The following PLCB1 variants were observed in gnomAD, a reference collection of about 807,000 sequenced individuals.
PLCB1 encodes 1-phosphatidylinositol 4,5-bisphosphate phosphodiesterase beta-1.
Under a neutral mutation model 161.8 loss-of-function variants are expected in PLCB1, and 46 were observed. The observed-to-expected ratio is 0.28, with a 90% CI of 0.22 to 0.36. PLCB1 has a LOEUF of 0.36. PLCB1 is among the 10% of genes least tolerant of loss of function. PLCB1 has a pLI of 1.00. For missense variants in PLCB1, 1,016 were observed against 1,472.5 expected, an observed-to-expected ratio of 0.69 and a Z score of 5.07; for synonymous variants, 517 against 503.7, an observed-to-expected ratio of 1.03 and a Z score of -0.35.
chr20:8,711,071 TATCGCC>T (rs1338744149), intron 12 of PLCB1, among the ~76,000 whole-genome samples: 19 of 152,230 alleles, frequency 1.2e-4, no homozygotes, highest in African/African-American at 4.6e-4. Context: ...ATATTATGAT[TATCGCC>T]ATTTTACAGA....
chr20:8,772,736 C>T (rs1175839270), intron 26 of PLCB1, among the ~76,000 whole-genome samples: 1 of 151,952 alleles, frequency 6.6e-6, no homozygotes, highest in Non-Finnish European at 1.5e-5. Flanking sequence ...AGTTTGAGAC[C>T]AGCCTGACCA....
At chr20:8,430,668 G>A (rs1980000068) in intron 3 of PLCB1, among the ~76,000 whole-genome samples, 1 of 152,158 alleles carries the variant, frequency 6.6e-6, no homozygotes, top group African/African-American at 2.4e-5. Flanking sequence ...TCAAAAGAAA[G>A]AAGAGCCGGT....
chr20:8,704,208 G>T (rs1314909870), intron 11 of PLCB1, among the ~76,000 whole-genome samples: 1 of 152,220 alleles, frequency 6.6e-6, no homozygotes, highest in Middle Eastern at 3.4e-3. Flanking sequence ...ACAAAAAATT[G>T]TCTGGGTGTG....
intron 3 of PLCB1, among the ~76,000 whole-genome samples, chr20:8,600,451 G>T (rs1466328823): frequency 6.7e-6 from 1 of 148,920 alleles, no homozygotes; most frequent in South Asian, 2.1e-4. Flanking sequence ...GAGGCAGTCT[G>T]CCCGTTCTCA....
intron 4 of PLCB1, among the ~76,000 whole-genome samples, chr20:8,629,311 G>C (rs1203592845): frequency 6.6e-6 from 1 of 152,146 alleles, no homozygotes; most frequent in East Asian, 1.9e-4. Flanking sequence ...AGATGAATTA[G>C]ATATGGCCCA....
chr20:8,699,652 G>A (rs1396711336), intron 11 of PLCB1, among the ~76,000 whole-genome samples: 1 of 152,124 alleles, frequency 6.6e-6, no homozygotes, highest in East Asian at 1.9e-4. Context: ...ATTTTCAAGG[G>A]ACAGCCAAGT....
intron 3 of PLCB1, among the ~76,000 whole-genome samples, chr20:8,535,995 T>C (rs1600135909): frequency 6.6e-6 from 1 of 151,980 alleles, no homozygotes; most frequent in East Asian, 1.9e-4. Flanking sequence ...TATAATATTT[T>C]TCTTTTTCCC....
At chr20:8,355,774 A>G (rs1413771837) in intron 2 of PLCB1, among the ~76,000 whole-genome samples, 1 of 152,230 alleles carries the variant, frequency 6.6e-6, no homozygotes, top group Non-Finnish European at 1.5e-5. Flanking sequence ...GGACTCCTGC[A>G]GTAATCACCA....
intron 31 of PLCB1, among the ~76,000 whole-genome samples, chr20:8,857,353 A>G (rs759962725): frequency 6.6e-6 from 1 of 152,222 alleles, no homozygotes; most frequent in Non-Finnish European, 1.5e-5. Flanking sequence ...AAAAATTTAA[A>G]TAAAGTATAT....
At chr20:8,258,158 A>C (rs1205622122) in intron 2 of PLCB1, among the ~76,000 whole-genome samples, 1 of 152,184 alleles carries the variant, frequency 6.6e-6, no homozygotes, top group Non-Finnish European at 1.5e-5. Flanking sequence ...TATAAAGAGT[A>C]CGTGAAGCCT....
In PLCB1 at chr20:8,746,362, T is replaced by C. The variant is rs1301435493; in HGVS notation, c.2523+4789T>C. Among the ~76,000 whole-genome samples the C allele has an allele frequency of 5.3e-5, 8 of 152,308 alleles. No individual in the cohort carries two copies. In the East Asian group the frequency reaches 9.6e-4, roughly 18 times the overall value. On this transcript the variant is annotated intron_variant, in intron 23 of 31. Transcript: ENST00000338037. Reference sequence around the variant, plus strand: ...AATACCTATAAAAGGAAAAAGTAAATATCCAATACATTTATTAGGAAATAT... The same window carrying C: ...AATACCTATAAAAGGAAAAAGTAAACATCCAATACATTTATTAGGAAATAT...
intron 2 of PLCB1, among the ~76,000 whole-genome samples, chr20:8,211,250 G>A (rs1277099685): frequency 6.6e-6 from 1 of 152,034 alleles, no homozygotes; most frequent in Non-Finnish European, 1.5e-5. Context: ...GGATGAGAAG[G>A]ACACCAGTTT....
intron 3 of PLCB1, among the ~76,000 whole-genome samples, chr20:8,408,515 TA>T (rs917984444): frequency 3.2e-4 from 48 of 148,438 alleles, no homozygotes; most frequent in East Asian, 1.2e-3. Flanking sequence ...AAGTTTTTTT[TA>T]AAAAAAAAAA....
chr20:8,695,610 G>C (rs73080028), intron 10 of PLCB1, among the ~76,000 whole-genome samples: 11,500 of 152,192 alleles, frequency 0.076, 519 homozygotes, highest in African/African-American at 0.12. Context: ...GCTTAGGAAG[G>C]AGGATGACTT....
At chr20:8,429,375 T>C (rs1239989063) in intron 3 of PLCB1, among the ~76,000 whole-genome samples, 1 of 152,228 alleles carries the variant, frequency 6.6e-6, no homozygotes, top group Non-Finnish European at 1.5e-5. Context: ...TTCAGTGCCA[T>C]TGGTAGCCAA....
chr20:8,178,683 G>T (rs559734522), intron 2 of PLCB1, among the ~76,000 whole-genome samples: 4 of 152,202 alleles, frequency 2.6e-5, no homozygotes, highest in Non-Finnish European at 5.9e-5. Flanking sequence ...ATTGCTTTTG[G>T]CATCTTCGAC....
intron 3 of PLCB1, among the ~76,000 whole-genome samples, chr20:8,391,721 G>C (rs1331852359): frequency 6.8e-6 from 1 of 147,530 alleles, no homozygotes; most frequent in African/African-American, 2.5e-5. Flanking sequence ...TCACTTTTCA[G>C]TGTATTCTTC....
chr20:8,530,327 A>G (rs951398651), intron 3 of PLCB1, among the ~76,000 whole-genome samples: 3 of 152,124 alleles, frequency 2.0e-5, no homozygotes, highest in Non-Finnish European at 2.9e-5. Flanking sequence ...TATTTTCTAA[A>G]GTAAATATTT....
chr20:8,681,344 C>G (rs1990216255), intron 9 of PLCB1, among the ~76,000 whole-genome samples: 1 of 151,882 alleles, frequency 6.6e-6, no homozygotes, highest in Non-Finnish European at 1.5e-5. Flanking sequence ...GGTTCAGAAT[C>G]TTTCTCAACA....
Sources: gnomAD v4.1 joint callset for allele counts (sites outside exome capture counted in the v4.1 genomes callset) on GRCh38, gnomAD v4.1.1 for gene constraint, MANE v1.5 for transcripts, NCBI Gene and HGNC (gene_info 2026-07-23, HGNC 2026-07-21) for gene names.